INSL6: variants seen among roughly 807,000 people sequenced by gnomAD.
INSL6 encodes the protein insulin like 6, also known as insulin-like peptide INSL6.
In INSL6, 16 loss-of-function variants were observed where a neutral mutation model predicts 9.4. That is an observed-to-expected ratio of 1.70 (90% CI 1.15 to 2.59). INSL6 has a LOEUF of 2.59. Ranked by LOEUF, INSL6 falls within the 30% of genes most tolerant of loss-of-function variation. The pLI is 0.00. For synonymous variants in INSL6, 154 were observed against 96.9 expected (o/e 1.59, Z -3.46); for missense variants, 391 against 257.3 (o/e 1.52, Z -3.56).
intron 2 of INSL6, among the ~76,000 whole-genome samples, chr9:5,147,542 G>C (rs1471974138): frequency 6.6e-6 from 1 of 152,170 alleles, no homozygotes; most frequent in African/African-American, 2.4e-5. Context: ...GCCTGGTAAG[G>C]AGATTTCGGA....
At chr9:5,147,536 G>T (rs1351890798) in intron 2 of INSL6, among the ~76,000 whole-genome samples, 4 of 152,158 alleles carry the variant, frequency 2.6e-5, no homozygotes, top group African/African-American at 9.7e-5. Context: ...AAGACTGCCT[G>T]GTAAGGAGAT....
chr9:5,011,677 T>G, the INSL6 span, among the ~76,000 whole-genome samples: 1 of 152,220 alleles, frequency 6.6e-6, no homozygotes, highest in Admixed American at 6.5e-5. Flanking sequence ...TTAATAAGTT[T>G]CAGCTGACTA....
chr9:5,114,268 T>G, the INSL6 span: 2 of 545,106 alleles, frequency 3.7e-6, no homozygotes, highest in Non-Finnish European at 7.3e-6. Flanking sequence ...GTGGTGGACC[T>G]GGCACCCAGC....
At chr9:5,040,736 G>A in the INSL6 span, among the ~76,000 whole-genome samples, 1 of 152,278 alleles carries the variant, frequency 6.6e-6, no homozygotes, top group South Asian at 2.1e-4. Context: ...GCCCCTGAGC[G>A]GGCGTCCGGG....
chr9:5,159,260 T>C (rs1032394504), downstream of INSL6, among the ~76,000 whole-genome samples: 3 of 151,602 alleles, frequency 2.0e-5, no homozygotes, highest in Non-Finnish European at 4.4e-5. Context: ...CCAGAAAATA[T>C]ATAACAAAAT....
the INSL6 span, among the ~76,000 whole-genome samples, chr9:5,035,147 T>C: frequency 6.6e-6 from 1 of 152,168 alleles, no homozygotes; most frequent in Non-Finnish European, 1.5e-5. Flanking sequence ...AATGGATAAA[T>C]TCCTGGACAC....
the INSL6 span, among the ~76,000 whole-genome samples, chr9:5,062,500 TAAA>T: frequency 5.2e-4 from 30 of 58,224 alleles, no homozygotes; most frequent in African/African-American, 1.5e-3. Flanking sequence ...CTTCCATTTG[TAAA>T]AAAAAAAAAA....
At chr9:5,157,837 C>G (rs1259463191) in intron 2 of INSL6, among the ~76,000 whole-genome samples, 1 of 151,910 alleles carries the variant, frequency 6.6e-6, no homozygotes, top group Non-Finnish European at 1.5e-5. Context: ...CATGAGCTCA[C>G]CAAAGGAACT....
At chr9:5,114,756 G>C in the INSL6 span, 7 of 333,026 alleles carry the variant, frequency 2.1e-5, no homozygotes, top group Admixed American at 2.3e-4. Flanking sequence ...CCATGAGACA[G>C]CGACTGGCTC....
chr9:5,156,155 ATGAACT>A (rs1344355045), intron 2 of INSL6, among the ~76,000 whole-genome samples: 1 of 152,200 alleles, frequency 6.6e-6, no homozygotes, highest in Non-Finnish European at 1.5e-5. Flanking sequence ...AAAAGGCCAA[ATGAACT>A]TAAGATACAG....
chr9:5,016,143 A>T, the INSL6 span, among the ~76,000 whole-genome samples: 1 of 152,152 alleles, frequency 6.6e-6, no homozygotes, highest in Non-Finnish European at 1.5e-5. Context: ...CCTCCCGCCA[A>T]ACGCTGCCTA....
At chr9:4,999,535 G>GAT in the INSL6 span, among the ~76,000 whole-genome samples, 2 of 152,088 alleles carry the variant, frequency 1.3e-5, no homozygotes, top group East Asian at 3.9e-4. Flanking sequence ...GAACTAATAG[G>GAT]ATATATATAT....
the INSL6 span, among the ~76,000 whole-genome samples, chr9:5,061,562 T>G: frequency 2.0e-3 from 305 of 152,348 alleles, no homozygotes; most frequent in South Asian, 0.013. Flanking sequence ...TCTCTCAGCC[T>G]TCATAGAATT....
chr9:5,138,957 T>C (rs551676392), intron 2 of INSL6, among the ~76,000 whole-genome samples: 7 of 152,190 alleles, frequency 4.6e-5, no homozygotes, highest in African/African-American at 1.7e-4. Flanking sequence ...TTTAACAATA[T>C]GCACCATGTT....
intron 1 of INSL6, among the ~76,000 whole-genome samples, chr9:5,167,550 G>A (rs186230536): frequency 4.5e-4 from 69 of 152,330 alleles, no homozygotes; most frequent in African/African-American, 1.7e-3. Context: ...CCCCCTCACG[G>A]AGCAGGGCCT....
chr9:5,174,558 A>G (rs1434004742), intron 1 of INSL6, among the ~76,000 whole-genome samples: 3 of 151,958 alleles, frequency 2.0e-5, no homozygotes, highest in Non-Finnish European at 2.9e-5. Context: ...TCACTCCCCA[A>G]CTTATTATTG....
At chr9:5,041,070 G>A in the INSL6 span, 2 of 694,598 alleles carry the variant, frequency 2.9e-6, no homozygotes, top group Admixed American at 2.1e-5. Context: ...CGTCCCTCAG[G>A]TCTACTACCT....
the INSL6 span, chr9:5,069,792 A>G: frequency 9.1e-6 from 4 of 441,530 alleles, no homozygotes; most frequent in Non-Finnish European, 1.5e-5. Context: ...ATAATTTTCT[A>G]TTATAAAAAA....
intron 2 of INSL6, among the ~76,000 whole-genome samples, chr9:5,143,262 G>A (rs57698263): frequency 0.34 from 51,473 of 151,162 alleles, 9,228 homozygotes; most frequent in African/African-American, 0.46. Flanking sequence ...GTTTCAGTAG[G>A]AATGGTACCA....
Sources: allele counts gnomAD v4.1 joint callset (sites outside exome capture counted in the v4.1 genomes callset), GRCh38; gene constraint gnomAD v4.1.1; transcripts MANE v1.5; gene names NCBI Gene and HGNC (gene_info 2026-07-23, HGNC 2026-07-21).